NPHP4: variants seen among roughly 807,000 people sequenced by gnomAD.
NPHP4 encodes the protein nephrocystin 4, also known as nephrocystin-4.
A neutral mutation model predicts 155.8 loss-of-function variants in NPHP4; 151 were observed. The observed-to-expected ratio is 0.97, with a 90% CI of 0.85 to 1.11. The LOEUF (loss-of-function observed/expected upper bound fraction) is 1.11. Ranked by LOEUF, NPHP4 falls within the 50% of genes least tolerant of loss-of-function variation. NPHP4 has a pLI of 0.00. For synonymous variants in NPHP4, 845 were observed against 816.8 expected (o/e 1.03, Z -0.59); for missense variants, 1,956 against 1,925.7 (o/e 1.02, Z -0.29).
chr1:5,951,263 T>G (rs1647963711), intron 7 of NPHP4, among the ~76,000 whole-genome samples: 1 of 152,198 alleles, frequency 6.6e-6, no homozygotes, highest in African/African-American at 2.4e-5. Context: ...GTCACACAAT[T>G]GCATTCTGTG....
At chr1:5,908,564 A>G (rs898365558) in intron 12 of NPHP4, among the ~76,000 whole-genome samples, 1 of 152,234 alleles carries the variant, frequency 6.6e-6, no homozygotes, top group Non-Finnish European at 1.5e-5. Flanking sequence ...CCAGAACGGC[A>G]GCCAAGCAGG....
At chr1:5,960,453 G>A (rs569405086) in intron 6 of NPHP4, among the ~76,000 whole-genome samples, 46 of 152,138 alleles carry the variant, frequency 3.0e-4, no homozygotes, top group African/African-American at 7.5e-4. Flanking sequence ...AGGGACCTGC[G>A]CCGGAGCCGA....
intron 16 of NPHP4, among the ~76,000 whole-genome samples, chr1:5,891,850 C>A (rs1644144231): frequency 6.6e-6 from 1 of 152,196 alleles, no homozygotes; most frequent in African/African-American, 2.4e-5. Context: ...AGGCTCCAGC[C>A]CCACAGGATG....
At chr1:5,983,028 T>C (rs956340418) in intron 2 of NPHP4, among the ~76,000 whole-genome samples, 3 of 152,312 alleles carry the variant, frequency 2.0e-5, no homozygotes, top group East Asian at 1.9e-4. Context: ...GACAGGGTGA[T>C]TGATGGTACA....
intron 9 of NPHP4, among the ~76,000 whole-genome samples, chr1:5,939,962 G>A (rs2101836360): frequency 6.6e-6 from 1 of 152,256 alleles, no homozygotes; most frequent in East Asian, 1.9e-4. Context: ...GATGAGGTGG[G>A]GCCAGCAGAG....
chr1:5,874,007 A>G (rs1007297057), intron 22 of NPHP4, among the ~76,000 whole-genome samples: 2 of 151,784 alleles, frequency 1.3e-5, no homozygotes, highest in African/African-American at 4.8e-5. Flanking sequence ...TACATCCTGC[A>G]CACATACCTC....
chr1:5,922,767 G>A (rs1645807169), intron 11 of NPHP4, among the ~76,000 whole-genome samples: 1 of 147,316 alleles, frequency 6.8e-6, no homozygotes, highest in South Asian at 2.2e-4. Context: ...GGCACTGCCT[G>A]CAGTCCTGGC....
intron 5 of NPHP4, 65 bp downstream of exon 5, chr1:5,967,234 G>A: frequency 3.3e-6 from 4 of 1,216,602 alleles, no homozygotes; most frequent in Non-Finnish European, 4.8e-6. Flanking sequence ...CAGAGCTAAA[G>A]GTGGGGAACA....
chr1:5,967,381 G>A lies in NPHP4; in HGVS notation c.453-18C>T. The A allele has an allele frequency of 6.3e-7, 1 of 1,595,898 alleles. No homozygotes were observed. Among genetic ancestry groups the A allele is most frequent in the Non-Finnish European group, 8.5e-7 (1 of 1,170,802 alleles). ...GCCGCAACCTGGAAGACAGGACCCAGAGAACAGTCGTCAGCCACGTGCGCA... is the reference window on the plus strand; with the variant it reads ...GCCGCAACCTGGAAGACAGGACCCAAAGAACAGTCGTCAGCCACGTGCGCA... On this transcript the variant is annotated intron_variant, in intron 4 of 29. Transcript: ENST00000378156.
rs573169084 is a variant in NPHP4, at chr1:5,948,317, TG to T, written c.811-67del. On this transcript the variant is annotated intron_variant, in intron 7 of 29. Coordinates refer to ENST00000378156, the MANE Select transcript of NPHP4 (RefSeq NM_015102.5). Reference sequence around the variant, plus strand: ...AAAGAGGGAGCTCGCCAGAAGTCCCTGGGGGAGGCGAGCAGAGAGAAGAAAC... The same window carrying T: ...AAAGAGGGAGCTCGCCAGAAGTCCCTGGGGAGGCGAGCAGAGAGAAGAAAC... 1.3e-4 allele frequency: 166 copies of T among 1,261,366 alleles called. 2 individuals are homozygous for T. The East Asian group carries it at 3.8e-3, about 29-fold the overall frequency. The allele number at this position is 1,261,366 out of a possible 1,614,324, so 78.1% of individuals were successfully genotyped here.
chr1:5,969,233 G>A lies in NPHP4; in HGVS notation c.306C>T (p.Asn102=). The A allele has an allele frequency of 6.4e-7, 1 of 1,569,184 alleles. No individual in the cohort carries two copies. Among genetic ancestry groups the A allele is most frequent in the Non-Finnish European group, 8.7e-7 (1 of 1,151,214 alleles). Residue 102 remains asparagine, a synonymous_variant, in exon 4 of 30, where the codon AAC becomes AAT. Transcript: ENST00000378156. ...CCACCACAGCCACGATATGAGGGTG[G>A]TTTAGGGATGTGTGAAAATACAAGG... The part of the protein sequence containing the change: ...NEPLYFHTSL[N]HPHIVAVVEV...
intron 12 of NPHP4, 86 bp from the exon 13 acceptor site, chr1:5,907,308 G>A: frequency 3.6e-6 from 3 of 826,406 alleles, no homozygotes; most frequent in East Asian, 2.9e-5. Context: ...CCACACCGGG[G>A]AACGGGGTAG....
chr1:5,954,571 A>G (rs185919040), intron 6 of NPHP4, among the ~76,000 whole-genome samples: 1 of 152,244 alleles, frequency 6.6e-6, no homozygotes, highest in Non-Finnish European at 1.5e-5. Flanking sequence ...ATTTTTAAAG[A>G]GGTGCCAAGA....
chr1:5,890,138 A>C lies in NPHP4; in HGVS notation c.2304+730T>G, dbSNP rs977353442. Among the ~76,000 whole-genome samples, 1 of 152,134 alleles carries C rather than the reference A, an allele frequency of 6.6e-6. No individual in the cohort carries two copies. Among genetic ancestry groups the C allele is most frequent in the Non-Finnish European group, 1.5e-5 (1 of 68,014 alleles). On this transcript the variant is annotated intron_variant, in intron 17 of 29. Coordinates refer to ENST00000378156, the MANE Select transcript of NPHP4 (RefSeq NM_015102.5). The surrounding 1 kb of genome is among the most constrained non-coding windows in gnomAD (Gnocchi z 4.9). Reference sequence around the variant, plus strand: ...CAGCCGTGTCAGGAATCCAGGAGGAAAGCAGCTATGCGGCACTCAAGAAAA... The same window carrying C: ...CAGCCGTGTCAGGAATCCAGGAGGACAGCAGCTATGCGGCACTCAAGAAAA...
At chr1:5,887,581 G>C in intron 17 of NPHP4, 115 bp from the exon 18 acceptor site, 1 of 1,145,164 alleles carries the variant, frequency 8.7e-7, no homozygotes, top group Admixed American at 2.1e-5. Flanking sequence ...GGGCGGGAGG[G>C]GGTGTGCGCA....
At chr1:5,888,305 A>G (rs1332726032) in intron 17 of NPHP4, 1 of 983,730 alleles carries the variant, frequency 1.0e-6, no homozygotes, top group African/African-American at 1.7e-5. Context: ...GCTGTGCCCC[A>G]GGCGTGGCTG....
At chr1:5,885,015 C>T (rs1643658706) in intron 18 of NPHP4, among the ~76,000 whole-genome samples, 1 of 142,132 alleles carries the variant, frequency 7.0e-6, no homozygotes, top group East Asian at 2.2e-4. Flanking sequence ...CCGAGCCCAT[C>T]CTACGCCGCA....
In NPHP4 at chr1:5,887,483, C is replaced by T. The variant is rs990115671; in HGVS notation, c.2305-17G>A. On this transcript the variant is annotated splice_polypyrimidine_tract_variant and intron_variant, in intron 17 of 29. Transcript: ENST00000378156. ...GAGGAGATGCTGCAGAAGAGAAAAG[C>T]GCGTTCAGAGGCTGGAGCCGGCCCT... The T allele has an allele frequency of 1.3e-5, 21 of 1,611,456 alleles. No individual in the cohort carries two copies. The highest frequency in any genetic ancestry group is 2.7e-5 in the African/African-American group (2 of 74,926).
chr1:5,892,391 T>G lies in NPHP4; in HGVS notation c.2144-1363A>C, dbSNP rs1426693604. Among the ~76,000 whole-genome samples, 1 of 152,104 alleles carries G rather than the reference T, an allele frequency of 6.6e-6. No individual in the cohort carries two copies. Among genetic ancestry groups the G allele is most frequent in the African/African-American group, 2.4e-5 (1 of 41,420 alleles). On this transcript the variant is annotated intron_variant, in intron 16 of 29. Coordinates refer to ENST00000378156, the MANE Select transcript of NPHP4 (RefSeq NM_015102.5). The surrounding 1 kb of genome is among the most constrained non-coding windows in gnomAD (Gnocchi z 4.5). Reference sequence around the variant, plus strand: ...GGAGCTCTCAGCATGCTGTCAGCTCTGGGATCAGTGTCTCCCTGTTTTGAA... The same window carrying G: ...GGAGCTCTCAGCATGCTGTCAGCTCGGGGATCAGTGTCTCCCTGTTTTGAA...
Sources: allele counts gnomAD v4.1 joint callset (sites outside exome capture counted in the v4.1 genomes callset), GRCh38; gene constraint gnomAD v4.1.1; non-coding constraint Gnocchi (gnomAD v3.1); transcripts MANE v1.5; gene names NCBI Gene and HGNC (gene_info 2026-07-23, HGNC 2026-07-21).